TCP10L: variants seen among roughly 807,000 people sequenced by gnomAD.
TCP10L encodes T-complex protein 10A homolog 1.
In TCP10L, 11 loss-of-function variants were observed where a neutral mutation model predicts 19.2. The ratio of observed to expected loss-of-function variants is 0.57; its 90% CI spans 0.36 to 0.95. The LOEUF is 0.95. Among genes scored for constraint, TCP10L ranks in the 40% least tolerant of loss-of-function variants. The probability of loss-of-function intolerance (pLI) is 0.01; values close to 1 mark genes in which losing one functional copy is unlikely to be tolerated. For missense variants in TCP10L, 247 were observed against 263.9 expected (o/e 0.94, Z 0.44); for synonymous variants, 96 against 97.2 (o/e 0.99, Z 0.07).
chr21:32,582,134 ATCT>A lies in TCP10L; in HGVS notation c.360+63_360+65del, dbSNP rs1225773955. 6.4e-7 allele frequency: 1 copy of A among 1,560,952 alleles called. No individual in the cohort carries two copies. The highest frequency in any genetic ancestry group is 8.7e-7 in the Non-Finnish European group (1 of 1,143,700). On this transcript the variant is annotated intron_variant, in intron 3 of 4. Coordinates refer to ENST00000300258, the MANE Select transcript of TCP10L (RefSeq NM_144659.7). The surrounding 1 kb of genome is among the most constrained non-coding windows in gnomAD (Gnocchi z 4.2). ...CGCGTCATTCAGCAATAAAGCCCAC[ATCT>A]TTATGGGGACGCTATTTTTACATAA...
chr21:32,583,588 C>CAAA (rs771224269), intron 2 of TCP10L, among the ~76,000 whole-genome samples: 4 of 82,940 alleles, frequency 4.8e-5, no homozygotes, highest in African/African-American at 8.4e-5. Flanking sequence ...GACTCCGTCT[C>CAAA]AAAAAAAAAA....
intron 2 of TCP10L, among the ~76,000 whole-genome samples, chr21:32,583,307 C>T (rs938373760): frequency 1.9e-4 from 28 of 150,916 alleles, no homozygotes; most frequent in African/African-American, 6.6e-4. Flanking sequence ...TTATGGAAGC[C>T]GGCCGGGCGC....
rs888459670 is a variant in TCP10L, at chr21:32,582,576, TCTTTCTTTC to T, written c.145-170_145-162del. On this transcript the variant is annotated intron_variant, in intron 2 of 4. Transcript: ENST00000300258. The surrounding 1 kb of genome is among the most constrained non-coding windows in gnomAD (Gnocchi z 4.2). ...GGACTACCACAGCCTTTTTCTTTCT[TCTTTCTTTC>T]CTTTCTTTCTTTCTTTTCTTTTCTT... is the stretch of plus-strand genomic sequence containing the variant. 4.4e-5 allele frequency: 25 copies of T among 568,968 alleles called. No individual in the cohort carries two copies. Among genetic ancestry groups the T allele is most frequent in the Non-Finnish European group, 6.9e-5 (24 of 349,450 alleles). The allele number at this position is 568,968 out of a possible 1,614,324, so 35.2% of individuals were successfully genotyped here.
Position 32,576,286 on chromosome 21 carries a change from C to G in TCP10L, c.*488G>C. 6.4e-7 allele frequency: 1 copy of G among 1,574,374 alleles called. No homozygotes were observed. Among genetic ancestry groups the G allele is most frequent in the South Asian group, 1.1e-5 (1 of 88,136 alleles). ...AGCCTGCACTGGTGATTTTCTGCCA[C>G]TCAAGTTTTGCAGACTTCGGGAAGA... On this transcript the variant is annotated 3_prime_UTR_variant, in exon 5 of 5. Transcript: ENST00000300258.
Position 32,575,383 on chromosome 21 carries a change from G to A in TCP10L, c.*1391C>T, listed in dbSNP as rs1322096323. The A allele has an allele frequency of 2.0e-5, 3 of 153,722 alleles. No homozygotes were observed. Among genetic ancestry groups the A allele is most frequent in the Admixed American group, 6.5e-5 (1 of 15,286 alleles). The allele number at this position is 153,722 out of a possible 1,614,324, so 9.5% of individuals were successfully genotyped here. ...CAGATGGCACCAGCCTCACCTCTAC[G>A]AAGCTCCCTGCAGAGGCCATGAAAC... On this transcript the variant is annotated 3_prime_UTR_variant, in exon 5 of 5. Transcript: ENST00000300258.
chr21:32,585,218 A>G (rs1272664588), intron 1 of TCP10L, among the ~76,000 whole-genome samples: 1 of 152,164 alleles, frequency 6.6e-6, no homozygotes, highest in African/African-American at 2.4e-5. Flanking sequence ...CAGTAACCAG[A>G]TCACTGCCAT....
intron 3 of TCP10L, among the ~76,000 whole-genome samples, chr21:32,579,690 G>A (rs1017168966): frequency 2.6e-5 from 4 of 152,158 alleles, no homozygotes; most frequent in African/African-American, 9.7e-5. Flanking sequence ...CAAAACTGCA[G>A]GGCATGTGAA....
rs1242548131 is a variant in TCP10L, at chr21:32,584,212, T to C, written c.93A>G (p.Thr31=). Residue 31 remains threonine, a synonymous_variant, in exon 2 of 5, where the codon ACA becomes ACG. Transcript: ENST00000300258. ...CPGAGAVMEK[T]AVAAEVLTED... ...CCGTGAGAACCTCGGCTGCCACAGC[T>C]GTCTTCTCCATGACAGCCCCAGCTC... 6.2e-7 allele frequency: 1 copy of C among 1,613,976 alleles called. No homozygotes were observed. The highest frequency in any genetic ancestry group is 1.3e-5 in the African/African-American group (1 of 74,898).
Position 32,576,312 on chromosome 21 carries a change from T to C in TCP10L, c.*462A>G. ...TCAAGTTTTGCAGACTTCGGGAAGA[T>C]GGATGCATAGCCTGGGGCAATGACA... On this transcript the variant is annotated 3_prime_UTR_variant, in exon 5 of 5. Transcript: ENST00000300258. 6.4e-7 allele frequency: 1 copy of C among 1,555,764 alleles called. No homozygotes were observed.
At chr21:32,585,320 T>C in intron 1 of TCP10L, 101 bp downstream of exon 1, 1 of 282,746 alleles carries the variant, frequency 3.5e-6, no homozygotes, top group South Asian at 3.3e-5. Context: ...TTCCTGCTCC[T>C]CTGAGGGGAC....
At chr21:32,581,583 C>G (rs1240014052) in intron 3 of TCP10L, among the ~76,000 whole-genome samples, 9 of 152,188 alleles carry the variant, frequency 5.9e-5, no homozygotes, top group Admixed American at 3.3e-4. Flanking sequence ...GCCTGCCGGT[C>G]TGTACACTCC....
At chr21:32,585,327 G>A in intron 1 of TCP10L, 94 bp downstream of exon 1, 1 of 276,086 alleles carries the variant, frequency 3.6e-6, no homozygotes, top group South Asian at 3.4e-5. Context: ...TCCTCTGAGG[G>A]GACACCCCAG....
At chr21:32,577,957 T>C (rs2038452938) in intron 4 of TCP10L, among the ~76,000 whole-genome samples, 1 of 152,242 alleles carries the variant, frequency 6.6e-6, no homozygotes, top group African/African-American at 2.4e-5. Flanking sequence ...AACAAAGGGA[T>C]GGGCTCTGGC....
At position 32,576,842 on chromosome 21, in the gene TCP10L, G is replaced by A. The variant is rs145109364; in HGVS notation, c.580C>T (p.Arg194Cys). 8.6e-5 allele frequency: 139 copies of A among 1,614,100 alleles called. 1 individual carries two copies. The highest frequency in any genetic ancestry group is 3.7e-4 in the African/African-American group (28 of 75,020). Reference sequence around the variant, plus strand: ...GTAGGTGTTGCTCTTCTGTCTTGACGTCTCCTGGAAAGATTTTTATCTCTA... The same window carrying A: ...GTAGGTGTTGCTCTTCTGTCTTGACATCTCCTGGAAAGATTTTTATCTCTA... Reference protein sequence around the residue: ...ENRDKNLSRRRQDRRATPTGR... With the variant: ...ENRDKNLSRRCQDRRATPTGR... The change falls in exon 5 of 5, where the codon CGT becomes TGT. Residue 194 changes from arginine (R) to cysteine (C), a missense_variant. Transcript: ENST00000300258.
Position 32,584,243 on chromosome 21 carries a change from C to T in TCP10L, c.62G>A (p.Cys21Tyr). 1 of 1,614,116 alleles carries T rather than the reference C, an allele frequency of 6.2e-7. No homozygotes were observed. ...CTCCATGACAGCCCCAGCTCCTGGG[C>T]ACGGGTCCTCTGGGTGGGTGCCCTC... ...PKEGTHPEDP[C>Y]PGAGAVMEKT... The change falls in exon 2 of 5, where the codon TGC becomes TAC. Residue 21 changes from cysteine to tyrosine, a missense_variant. Transcript: ENST00000300258.
At position 32,578,315 on chromosome 21, in the gene TCP10L, T is replaced by C. The variant is rs1601122231; in HGVS notation, c.498+379A>G. Among the ~76,000 whole-genome samples, 3 of 152,218 alleles carry C rather than the reference T, an allele frequency of 2.0e-5. No individual in the cohort carries two copies. In the East Asian group the frequency reaches 5.8e-4, roughly 29 times the overall value. ...ACAAGCAGCAGGTGCAAGACCGCAGTGCAGAAGCAGGGAGCACGGGAGGCT... is the reference window on the plus strand; with the variant it reads ...ACAAGCAGCAGGTGCAAGACCGCAGCGCAGAAGCAGGGAGCACGGGAGGCT... On this transcript the variant is annotated intron_variant, in intron 4 of 4. Coordinates refer to ENST00000300258, the MANE Select transcript of TCP10L (RefSeq NM_144659.7). The surrounding 1 kb of genome is among the most constrained non-coding windows in gnomAD (Gnocchi z 4.2).
In TCP10L at chr21:32,582,102, G is replaced by A; in HGVS notation, c.360+98C>T. 1 of 1,371,260 alleles carries A rather than the reference G, an allele frequency of 7.3e-7. No individual in the cohort carries two copies. The highest frequency in any genetic ancestry group is 1.3e-5 in the South Asian group (1 of 75,094). The allele number at this position is 1,371,260 out of a possible 1,614,324, so 84.9% of individuals were successfully genotyped here. On this transcript the variant is annotated intron_variant, in intron 3 of 4. Transcript: ENST00000300258. The surrounding 1 kb of genome is among the most constrained non-coding windows in gnomAD (Gnocchi z 4.2). ...ACCCCTCCCACCACCCGGAGCGTGA[G>A]TGATACCGCGTCATTCAGCAATAAA...
chr21:32,583,024 CTTTTTTTTTTTTTTTT>C (rs59972145), intron 2 of TCP10L, among the ~76,000 whole-genome samples: 10 of 94,798 alleles, frequency 1.1e-4, no homozygotes, highest in Admixed American at 3.5e-4. Flanking sequence ...CATTCTTTTC[CTTTTTTTTTTTTTTTT>C]TTTTTTTTTT....
At chr21:32,584,031 A>G in intron 2 of TCP10L, 130 bp downstream of exon 2, 1 of 1,257,146 alleles carries the variant, frequency 8.0e-7, no homozygotes, top group Non-Finnish European at 1.1e-6. Flanking sequence ...GAGGAAGTAC[A>G]GAATCAGTGT....
Sources: gnomAD v4.1 joint callset for allele counts (sites outside exome capture counted in the v4.1 genomes callset) on GRCh38, gnomAD v4.1.1 for gene constraint, Gnocchi (gnomAD v3.1) non-coding constraint, MANE v1.5 for transcripts, NCBI Gene and HGNC (gene_info 2026-07-23, HGNC 2026-07-21) for gene names.